The following DMRT1 variants were observed in gnomAD, a reference collection of about 807,000 sequenced individuals.
The protein encoded by DMRT1 is doublesex- and mab-3-related transcription factor 1.
Under a neutral mutation model 32.3 loss-of-function variants are expected in DMRT1, and 7 were observed. That is an observed-to-expected ratio of 0.22 (90% CI 0.12 to 0.41). The LOEUF is 0.41. Among genes scored for constraint, DMRT1 ranks in the 10% least tolerant of loss-of-function variants. The pLI, the probability that DMRT1 is intolerant of heterozygous loss-of-function variation, is 1.00. For missense variants in DMRT1, 625 were observed against 500.5 expected (o/e 1.25, Z -2.37); for synonymous variants, 278 against 206.1 (o/e 1.35, Z -2.99).
At chr9:916,136 C>T (rs886236999) in intron 3 of DMRT1, among the ~76,000 whole-genome samples, 24 of 152,174 alleles carry the variant, frequency 1.6e-4, no homozygotes, top group African/African-American at 5.1e-4. Context: ...TGATAACTTG[C>T]GCCCGTTCAA....
At chr9:861,978 C>G (rs372008322) in intron 2 of DMRT1, among the ~76,000 whole-genome samples, 1 of 150,494 alleles carries the variant, frequency 6.6e-6, no homozygotes, top group Non-Finnish European at 1.5e-5. Flanking sequence ...ACTTCCTAGA[C>G]GGGATGACGG....
rs1035888884 is a variant in DMRT1 at position 923,974 on chromosome 9, A to G, written c.967+7067A>G. On this transcript the variant is annotated intron_variant, in intron 4 of 4. Coordinates refer to ENST00000382276, the MANE Select transcript of DMRT1 (RefSeq NM_021951.3). ...GAAGTAAGTGGGGCTTTCAGTGGCA[A>G]CAAGGCCAGTGAATGGAAGGGCATT... Among the ~76,000 whole-genome samples the G allele has an allele frequency of 1.1e-4, 16 of 152,320 alleles. No homozygotes were observed. In the East Asian group the frequency reaches 3.1e-3, roughly 29 times the overall value.
intron 4 of DMRT1, among the ~76,000 whole-genome samples, chr9:933,067 C>A (rs1481581576): frequency 6.6e-6 from 1 of 152,144 alleles, no homozygotes; most frequent in African/African-American, 2.4e-5. Context: ...TGCACACCAC[C>A]ATGCCCAGCA....
chr9:870,523 T>C (rs1042867040), intron 2 of DMRT1, among the ~76,000 whole-genome samples: 2 of 152,140 alleles, frequency 1.3e-5, no homozygotes, highest in Non-Finnish European at 2.9e-5. Context: ...AGCTTAGCTC[T>C]TCAGCTGTGA....
intron 2 of DMRT1, among the ~76,000 whole-genome samples, chr9:873,547 G>A (rs982395111): frequency 2.0e-5 from 3 of 151,846 alleles, no homozygotes; most frequent in African/African-American, 7.3e-5. Context: ...TCGAACTCCC[G>A]ACCTCAGGTG....
intron 2 of DMRT1, among the ~76,000 whole-genome samples, chr9:864,416 C>G (rs1763098149): frequency 6.6e-6 from 1 of 151,858 alleles, no homozygotes; most frequent in African/African-American, 2.4e-5. Flanking sequence ...TGGTCTTGAA[C>G]TCCTGACCTC....
chr9:877,598 C>G (rs1816556898), intron 2 of DMRT1, among the ~76,000 whole-genome samples: 1 of 152,198 alleles, frequency 6.6e-6, no homozygotes, highest in African/African-American at 2.4e-5. Context: ...TTGAACAGAA[C>G]TCCTCCTCCC....
intron 3 of DMRT1, among the ~76,000 whole-genome samples, chr9:902,444 C>A (rs984002584): frequency 2.0e-5 from 3 of 151,366 alleles, no homozygotes; most frequent in Admixed American, 1.3e-4. Context: ...TGTGGACTTA[C>A]ATTTGTGCTT....
At position 968,314 on chromosome 9, in the gene DMRT1, C is replaced by T; in HGVS notation, c.*175C>T. 1.4e-6 allele frequency: 1 copy of T among 701,242 alleles called. No homozygotes were observed. The highest frequency in any genetic ancestry group is 1.8e-5 in the South Asian group (1 of 54,506). The allele number at this position is 701,242 out of a possible 1,614,324, so 43.4% of individuals were successfully genotyped here. On this transcript the variant is annotated 3_prime_UTR_variant, in exon 5 of 5. Coordinates refer to ENST00000382276, the MANE Select transcript of DMRT1 (RefSeq NM_021951.3). ...TAACACATTTGTAATACTTTAGGGT[C>T]CGTGACTACCATCTGCATGGTTTAA... is the stretch of plus-strand genomic sequence containing the variant.
At chr9:846,740 C>G (rs1404637190) in intron 1 of DMRT1, among the ~76,000 whole-genome samples, 6 of 152,168 alleles carry the variant, frequency 3.9e-5, no homozygotes, top group African/African-American at 1.2e-4. Context: ...GCGACCATGT[C>G]TGGCAACAAG....
chr9:890,281 G>T (rs1476958987), intron 2 of DMRT1, among the ~76,000 whole-genome samples: 1 of 152,062 alleles, frequency 6.6e-6, no homozygotes, highest in East Asian at 1.9e-4. Flanking sequence ...AAGGCCCAGT[G>T]GGGAAGTTGA....
At chr9:888,697 C>G (rs149193022) in intron 2 of DMRT1, among the ~76,000 whole-genome samples, 1 of 142,380 alleles carries the variant, frequency 7.0e-6, no homozygotes, top group African/African-American at 2.8e-5. Flanking sequence ...GCGTGTGGAG[C>G]AGTTGTTAAT....
chr9:858,958 C>T (rs562485225), intron 2 of DMRT1, among the ~76,000 whole-genome samples: 1 of 151,596 alleles, frequency 6.6e-6, no homozygotes, highest in South Asian at 2.1e-4. Context: ...CCATAATGTG[C>T]AACTGTCACC....
chr9:954,826 G>T (rs1320802254), intron 4 of DMRT1, among the ~76,000 whole-genome samples: 1 of 152,000 alleles, frequency 6.6e-6, no homozygotes, highest in African/African-American at 2.4e-5. Context: ...ATTTTTAGTA[G>T]AGACAGGGTT....
At chr9:891,187 TA>T (rs774188236) in intron 2 of DMRT1, among the ~76,000 whole-genome samples, 3,300 of 133,432 alleles carry the variant, frequency 0.025, 40 homozygotes, top group Admixed American at 0.032. Flanking sequence ...ACAAAAAAAT[TA>T]AAAAAAAAAA....
chr9:846,392 T>C lies in DMRT1; in HGVS notation c.355-568T>C, dbSNP rs190256337. 3.0e-4 allele frequency among the ~76,000 whole-genome samples: 45 copies of C among 152,188 alleles called. No individual in the cohort carries two copies. In the East Asian group the frequency reaches 7.2e-3, roughly 24 times the overall value. ...TACAATCTACTCTTACTGGTACCTG[T>C]TTTTAGTACAGTGGCCTTTTACAAG... is the stretch of plus-strand genomic sequence containing the variant. On this transcript the variant is annotated intron_variant, in intron 1 of 4. Transcript: ENST00000382276.
At chr9:893,187 A>G (rs1817219814) in intron 2 of DMRT1, among the ~76,000 whole-genome samples, 1 of 152,220 alleles carries the variant, frequency 6.6e-6, no homozygotes, top group Non-Finnish European at 1.5e-5. Flanking sequence ...ACATTGTTTA[A>G]TAAATGTCCA....
chr9:873,950 A>G (rs921363340), intron 2 of DMRT1, among the ~76,000 whole-genome samples: 7 of 152,222 alleles, frequency 4.6e-5, no homozygotes, highest in Non-Finnish European at 1.0e-4. Flanking sequence ...GGGCATATTT[A>G]ACTTGGAAGT....
intron 2 of DMRT1, among the ~76,000 whole-genome samples, chr9:868,267 T>C (rs1346219865): frequency 6.6e-6 from 1 of 152,172 alleles, no homozygotes; most frequent in Non-Finnish European, 1.5e-5. Context: ...GCGTGACCAC[T>C]GCACCTGGCC....
Sources: allele counts gnomAD v4.1 joint callset (sites outside exome capture counted in the v4.1 genomes callset), GRCh38; gene constraint gnomAD v4.1.1; transcripts MANE v1.5; gene names NCBI Gene and HGNC (gene_info 2026-07-23, HGNC 2026-07-21).